The following CNTN3 variants were observed in gnomAD, a reference collection of about 807,000 sequenced individuals.
CNTN3 encodes contactin 3.
Under a neutral mutation model 119.1 loss-of-function variants are expected in CNTN3, and 60 were observed. The ratio of observed to expected loss-of-function variants is 0.50; its 90% CI spans 0.41 to 0.62. The LOEUF (loss-of-function observed/expected upper bound fraction) is 0.62. Among genes scored for constraint, CNTN3 ranks in the 20% least tolerant of loss-of-function variants. The pLI, the probability that CNTN3 is intolerant of heterozygous loss-of-function variation, is 0.00. For missense variants in CNTN3, 1,101 were observed against 1,242.4 expected (o/e 0.89, Z 1.71); for synonymous variants, 450 against 438.7 (o/e 1.03, Z -0.32).
chr3:74,547,049 T>C (rs185727298), intron 1 of CNTN3, among the ~76,000 whole-genome samples: 1 of 152,320 alleles, frequency 6.6e-6, no homozygotes, highest in Admixed American at 6.5e-5. Context: ...CATCCACTTA[T>C]CCAGGTTAAC....
intron 3 of CNTN3, among the ~76,000 whole-genome samples, chr3:74,494,385 T>C (rs574835300): frequency 6.6e-6 from 1 of 152,244 alleles, no homozygotes; most frequent in East Asian, 1.9e-4. Context: ...CTCTGCTGGG[T>C]ATTGACTACT....
chr3:74,545,344 G>A (rs1703899689), intron 1 of CNTN3, among the ~76,000 whole-genome samples: 1 of 152,028 alleles, frequency 6.6e-6, no homozygotes, highest in Admixed American at 6.6e-5. Context: ...TATGCTGTGT[G>A]GCCACCTACA....
chr3:74,408,518 C>T (rs1283975057), intron 5 of CNTN3, among the ~76,000 whole-genome samples: 1 of 152,092 alleles, frequency 6.6e-6, no homozygotes, highest in Non-Finnish European at 1.5e-5. Context: ...TTAGAGGGGA[C>T]ATAATTGAGG....
intron 11 of CNTN3, among the ~76,000 whole-genome samples, chr3:74,352,157 A>T (rs144358058): frequency 1.3e-4 from 20 of 152,338 alleles, no homozygotes; most frequent in Non-Finnish European, 2.8e-4. Context: ...CACTGACACA[A>T]CTGGAATAAA....
At chr3:74,443,497 A>G (rs556433293) in intron 4 of CNTN3, among the ~76,000 whole-genome samples, 1 of 152,192 alleles carries the variant, frequency 6.6e-6, no homozygotes, top group East Asian at 1.9e-4. Context: ...CACCAGCCTT[A>G]AGATGAACCC....
chr3:74,416,008 CA>C (rs1313264065), intron 5 of CNTN3, among the ~76,000 whole-genome samples: 1 of 152,146 alleles, frequency 6.6e-6, no homozygotes, highest in Non-Finnish European at 1.5e-5. Context: ...GATGCTAGTA[CA>C]GGATGGGCAT....
At chr3:74,574,775 A>G (rs1704387966) in intron 1 of CNTN3, among the ~76,000 whole-genome samples, 1 of 152,136 alleles carries the variant, frequency 6.6e-6, no homozygotes, top group African/African-American at 2.4e-5. Context: ...TCTGCCACAC[A>G]TTTCCTGAAA....
chr3:74,528,066 A>T (rs78346650), intron 1 of CNTN3, among the ~76,000 whole-genome samples: 5,956 of 151,984 alleles, frequency 0.039, 148 homozygotes, highest in South Asian at 0.069. Flanking sequence ...TGAAAGGAAA[A>T]CTAAATGATA....
At chr3:74,382,741 T>C (rs1704652648) in intron 5 of CNTN3, among the ~76,000 whole-genome samples, 1 of 152,228 alleles carries the variant, frequency 6.6e-6, no homozygotes, top group Non-Finnish European at 1.5e-5. Flanking sequence ...CATGTATATA[T>C]ACAACATTTT....
intron 20 of CNTN3, among the ~76,000 whole-genome samples, chr3:74,267,720 T>A (rs979419169): frequency 6.6e-6 from 1 of 152,088 alleles, no homozygotes; most frequent in Non-Finnish European, 1.5e-5. Flanking sequence ...TTTAGAGCAT[T>A]TCACACTTAC....
chr3:74,393,299 G>T (rs1704960568), intron 5 of CNTN3, among the ~76,000 whole-genome samples: 1 of 152,196 alleles, frequency 6.6e-6, no homozygotes, highest in Non-Finnish European at 1.5e-5. Context: ...ATGTATGACT[G>T]CAAGCCAGAA....
At chr3:74,605,377 C>T (rs940721265) in intron 1 of CNTN3, among the ~76,000 whole-genome samples, 1 of 151,958 alleles carries the variant, frequency 6.6e-6, no homozygotes, top group African/African-American at 2.4e-5. Flanking sequence ...TATTTTAAGA[C>T]ATCATGTTGT....
intron 1 of CNTN3, among the ~76,000 whole-genome samples, chr3:74,592,960 C>T (rs1432074975): frequency 6.6e-6 from 1 of 151,868 alleles, no homozygotes; most frequent in Admixed American, 6.6e-5. Flanking sequence ...CTAGTATATT[C>T]CAGGCACAAC....
At chr3:74,594,009 C>A (rs1022063212) in intron 1 of CNTN3, among the ~76,000 whole-genome samples, 9 of 151,864 alleles carry the variant, frequency 5.9e-5, no homozygotes, top group African/African-American at 2.2e-4. Context: ...AAGATGTAGG[C>A]AGCATGGAAG....
intron 1 of CNTN3, among the ~76,000 whole-genome samples, chr3:74,571,882 C>A (rs1704340840): frequency 6.6e-6 from 1 of 152,092 alleles, no homozygotes; most frequent in South Asian, 2.1e-4. Flanking sequence ...TTCGCTCTTT[C>A]TGGCCTTGCA....
chr3:74,285,838 T>TAA (rs1491017405), intron 19 of CNTN3, among the ~76,000 whole-genome samples: 42 of 115,232 alleles, frequency 3.6e-4, no homozygotes, highest in African/African-American at 1.2e-3. Context: ...TATATATATA[T>TAA]AAAATTAAAA....
intron 1 of CNTN3, among the ~76,000 whole-genome samples, chr3:74,567,354 C>T (rs1240119632): frequency 4.2e-5 from 4 of 94,516 alleles, no homozygotes; most frequent in Non-Finnish European, 8.4e-5. Context: ...GAGAGGGGGT[C>T]TTACTATGTT....
intron 13 of CNTN3, among the ~76,000 whole-genome samples, chr3:74,318,679 T>A (rs1702899850): frequency 6.6e-6 from 1 of 152,128 alleles, no homozygotes; most frequent in Non-Finnish European, 1.5e-5. Context: ...TGGATCTTGG[T>A]GAACTGCAAA....
chr3:74,596,187 C>G lies in CNTN3; in HGVS notation c.-81+18204G>C, dbSNP rs146427798. Among the ~76,000 whole-genome samples, 193 of 151,856 alleles carry G rather than the reference C, an allele frequency of 1.3e-3. 1 individual carries two copies. Among genetic ancestry groups the G allele is most frequent in the African/African-American group, 4.0e-3 (167 of 41,388 alleles). On this transcript the variant is annotated intron_variant, in intron 1 of 22. Transcript: ENST00000263665. Reference sequence around the variant, plus strand: ...AACCACTGCTCAATGAAATAAAAGACGATACAAACAAATGGAAGAACATTC... The same window carrying G: ...AACCACTGCTCAATGAAATAAAAGAGGATACAAACAAATGGAAGAACATTC...
Sources: gnomAD v4.1 joint callset for allele counts (sites outside exome capture counted in the v4.1 genomes callset) on GRCh38, gnomAD v4.1.1 for gene constraint, MANE v1.5 for transcripts, NCBI Gene and HGNC (gene_info 2026-07-23, HGNC 2026-07-21) for gene names.